MYO5B: variants seen among roughly 807,000 people sequenced by gnomAD.
MYO5B encodes the protein unconventional myosin-Vb.
A neutral mutation model predicts 229.3 loss-of-function variants in MYO5B; 143 were observed. That is an observed-to-expected ratio of 0.62 (90% CI 0.54 to 0.72). MYO5B has a LOEUF of 0.72. Ranked by LOEUF, MYO5B falls within the 30% of genes least tolerant of loss-of-function variation. MYO5B has a pLI of 0.00. For synonymous variants in MYO5B, 918 were observed against 885.2 expected (o/e 1.04, Z -0.66); for missense variants, 2,321 against 2,331.0 (o/e 1.00, Z 0.09).
At position 49,957,646 on chromosome 18, in the gene MYO5B, T is replaced by TCAAAACAAAA. The variant is rs142681794; in HGVS notation, c.1546-3221_1546-3212dup. ...CTGGGTGACAGAACAAGACACTGTC[T>TCAAAACAAAA]CAAAACAAAACAAAACAAAACAAAA... On this transcript the variant is annotated intron_variant, in intron 12 of 39. Coordinates refer to ENST00000285039, the MANE Select transcript of MYO5B (RefSeq NM_001080467.3). Among the ~76,000 whole-genome samples the TCAAAACAAAA allele has an allele frequency of 7.6e-4, 91 of 119,546 alleles. No individual in the cohort carries two copies. In the East Asian group the frequency reaches 9.9e-3, roughly 13 times the overall value. 78.4% of individuals were successfully genotyped at this position (119,546 alleles called of 152,430 possible).
chr18:50,156,339 T>TC (rs1019084732), intron 1 of MYO5B, among the ~76,000 whole-genome samples: 4 of 152,070 alleles, frequency 2.6e-5, no homozygotes, highest in Non-Finnish European at 4.4e-5. Context: ...GTTCCCATAA[T>TC]CCCCCCGTGT....
chr18:50,013,291 T>C (rs1378331002), intron 4 of MYO5B, among the ~76,000 whole-genome samples: 10 of 152,230 alleles, frequency 6.6e-5, no homozygotes, highest in Admixed American at 6.5e-4. Flanking sequence ...CACACCAGTC[T>C]TGGAGTGGTA....
chr18:49,989,214 T>C (rs1039786711), intron 7 of MYO5B, among the ~76,000 whole-genome samples: 3 of 152,148 alleles, frequency 2.0e-5, no homozygotes, highest in African/African-American at 7.2e-5. Context: ...GCATTGAAGA[T>C]ACAGGGATTC....
At chr18:50,177,118 G>C (rs1021456421) in intron 1 of MYO5B, among the ~76,000 whole-genome samples, 1 of 151,730 alleles carries the variant, frequency 6.6e-6, no homozygotes, top group Non-Finnish European at 1.5e-5. Flanking sequence ...TATAAATCAG[G>C]ATAACCCTAA....
At chr18:49,947,185 A>G (rs111813333) in intron 14 of MYO5B, among the ~76,000 whole-genome samples, 33 of 145,248 alleles carry the variant, frequency 2.3e-4, no homozygotes, top group African/African-American at 7.9e-4. Context: ...AGCTCACTGC[A>G]AACTCCACCT....
intron 1 of MYO5B, among the ~76,000 whole-genome samples, chr18:50,128,788 CA>C (rs1257976593): frequency 1.3e-5 from 2 of 152,128 alleles, no homozygotes; most frequent in Non-Finnish European, 2.9e-5. Flanking sequence ...ACATGCGTAC[CA>C]GAAGGAATGT....
At chr18:49,859,984 CG>C (rs894592749) in intron 29 of MYO5B, among the ~76,000 whole-genome samples, 131 of 152,088 alleles carry the variant, frequency 8.6e-4, no homozygotes, top group Admixed American at 2.8e-3. Context: ...TGTGTATTGG[CG>C]GGGGGCGGCG....
chr18:50,015,531 T>C (rs1049864407), intron 4 of MYO5B, among the ~76,000 whole-genome samples: 2 of 152,246 alleles, frequency 1.3e-5, no homozygotes, highest in African/African-American at 2.4e-5. Flanking sequence ...ATTTTTTAAG[T>C]GTTCTTTAGT....
intron 1 of MYO5B, among the ~76,000 whole-genome samples, chr18:50,159,308 A>G (rs1209877428): frequency 6.6e-6 from 1 of 152,094 alleles, no homozygotes; most frequent in Non-Finnish European, 1.5e-5. Flanking sequence ...GCTTTCCTCT[A>G]CTTTCTAACT....
At chr18:50,112,542 T>C (rs964883347) in intron 1 of MYO5B, among the ~76,000 whole-genome samples, 8 of 152,182 alleles carry the variant, frequency 5.3e-5, no homozygotes, top group Non-Finnish European at 7.3e-5. Context: ...ACCAGCCCTA[T>C]CTGCCTTTGA....
chr18:49,867,714 G>C (rs959165192), intron 27 of MYO5B, among the ~76,000 whole-genome samples: 1 of 152,052 alleles, frequency 6.6e-6, no homozygotes, highest in Non-Finnish European at 1.5e-5. Flanking sequence ...TTTTGAATAA[G>C]GGTTCATTGA....
intron 1 of MYO5B, 115 bp from the exon 2 acceptor site, chr18:50,055,493 A>G: frequency 1.3e-6 from 1 of 774,558 alleles, no homozygotes; most frequent in Non-Finnish European, 2.2e-6. Context: ...ATCTGCACAC[A>G]TCTCCCCACC....
chr18:50,029,798 T>C (rs1007653297), intron 4 of MYO5B, among the ~76,000 whole-genome samples: 3 of 152,166 alleles, frequency 2.0e-5, no homozygotes, highest in Admixed American at 2.0e-4. Flanking sequence ...CCTGGACACA[T>C]GGCAGGTTGG....
At position 49,947,201 on chromosome 18, in the gene MYO5B, G is replaced by A. The variant is rs200421285; in HGVS notation, c.1752+6059C>T. On this transcript the variant is annotated intron_variant, in intron 14 of 39. Transcript: ENST00000285039. ...GCTCACTGCAAACTCCACCTCCCGG[G>A]TTCACGCCATTCTCCTGCCTCAGCC... is the stretch of plus-strand genomic sequence containing the variant. 2.7e-5 allele frequency among the ~76,000 whole-genome samples: 4 copies of A among 148,940 alleles called. No individual in the cohort carries two copies. The East Asian group carries it at 5.9e-4, about 22-fold the overall frequency.
At chr18:50,144,868 T>A (rs2144292502) in intron 1 of MYO5B, among the ~76,000 whole-genome samples, 1 of 152,210 alleles carries the variant, frequency 6.6e-6, no homozygotes, top group South Asian at 2.1e-4. Context: ...CCAGATCACT[T>A]CACATGCACA....
At chr18:50,098,616 G>A (rs1178777890) in intron 1 of MYO5B, 1 of 152,228 alleles carries the variant, frequency 6.6e-6, no homozygotes, top group African/African-American at 2.4e-5. Context: ...ACTGGGAAAG[G>A]CTTGCAGAGA....
chr18:50,129,776 C>T (rs988358513), intron 1 of MYO5B, among the ~76,000 whole-genome samples: 1 of 152,134 alleles, frequency 6.6e-6, no homozygotes, highest in African/African-American at 2.4e-5. Context: ...GTTCAAAAAT[C>T]CTCTATACCT....
rs61670588 is a variant in MYO5B at position 50,055,023 on chromosome 18, T to C, written c.138+245A>G. Among the ~76,000 whole-genome samples the C allele has an allele frequency of 0.16, 24,436 of 152,082 alleles. 2,028 individuals are homozygous for C. The highest frequency in any genetic ancestry group is 0.23 in the South Asian group (1,115 of 4,818). On this transcript the variant is annotated intron_variant, in intron 2 of 39. Coordinates refer to ENST00000285039, the MANE Select transcript of MYO5B (RefSeq NM_001080467.3). The stretch of plus-strand genomic sequence containing the variant: ...ACTCCACTGAAGATTCCTGCCTTGA[T>C]CACCAATGATCTCTCAGCTGCTAAC...
chr18:50,081,205 G>A (rs2031212110), intron 1 of MYO5B, among the ~76,000 whole-genome samples: 1 of 152,116 alleles, frequency 6.6e-6, no homozygotes, highest in Admixed American at 6.5e-5. Flanking sequence ...GGGTCCTTCT[G>A]TTGTGGCCAG....
Sources: gnomAD v4.1 joint callset for allele counts (sites outside exome capture counted in the v4.1 genomes callset) on GRCh38, gnomAD v4.1.1 for gene constraint, MANE v1.5 for transcripts, NCBI Gene and HGNC (gene_info 2026-07-23, HGNC 2026-07-21) for gene names.